The following TAF3 variants were observed in gnomAD, a reference collection of about 807,000 sequenced individuals.
TAF3 encodes the protein TATA-box binding protein associated factor 3, also known as transcription initiation factor TFIID subunit 3.
TAF3 carries 7 observed loss-of-function variants against 80.6 expected under a neutral mutation model. That is an observed-to-expected ratio of 0.09 (90% CI 0.05 to 0.16). The LOEUF is 0.16. TAF3 is among the 10% of genes least tolerant of loss of function. TAF3 has a pLI of 1.00. For synonymous variants in TAF3, 444 were observed against 446.1 expected (o/e 1.00, Z 0.06); for missense variants, 921 against 1,140.2 (o/e 0.81, Z 2.77).
At chr10:8,014,447 C>T (rs1414002187) in intron 6 of TAF3, among the ~76,000 whole-genome samples, 190 bp from the exon 7 acceptor site, 3 of 152,096 alleles carry the variant, frequency 2.0e-5, no homozygotes, top group Non-Finnish European at 2.9e-5. Flanking sequence ...CTGCAGGGGG[C>T]CTGTAAAGGG....
At chr10:7,819,698 G>T (rs74652496) in intron 1 of TAF3, among the ~76,000 whole-genome samples, 1,746 of 152,312 alleles carry the variant, frequency 0.011, 29 homozygotes, top group African/African-American at 0.039. Flanking sequence ...CATTGTATGT[G>T]TGTTTGTTGA....
chr10:7,908,450 T>C (rs1671830908), intron 2 of TAF3, among the ~76,000 whole-genome samples: 1 of 152,238 alleles, frequency 6.6e-6, no homozygotes, highest in Non-Finnish European at 1.5e-5. Flanking sequence ...TGCTATTTCA[T>C]GTGAGCGGCT....
intron 3 of TAF3, among the ~76,000 whole-genome samples, chr10:7,968,918 G>T (rs1463169877): frequency 3.3e-5 from 5 of 152,200 alleles, no homozygotes; most frequent in Admixed American, 6.5e-5. Context: ...AGTTGTGCAA[G>T]CTTTTAGTTC....
chr10:7,983,691 G>A (rs1831749399), intron 4 of TAF3, among the ~76,000 whole-genome samples: 1 of 151,990 alleles, frequency 6.6e-6, no homozygotes, highest in African/African-American at 2.4e-5. Flanking sequence ...TAAACATCAT[G>A]AGCTGGACGT....
chr10:7,952,133 C>G (rs1042466982), intron 2 of TAF3, among the ~76,000 whole-genome samples: 2 of 152,130 alleles, frequency 1.3e-5, no homozygotes, highest in Admixed American at 6.5e-5. Context: ...ATTTGATTTG[C>G]ACAAAGGGCC....
chr10:7,905,423 T>C (rs76446174), intron 2 of TAF3, among the ~76,000 whole-genome samples: 487 of 152,340 alleles, frequency 3.2e-3, no homozygotes, highest in Non-Finnish European at 4.9e-3. Context: ...TCATACACGA[T>C]GAAAATGTAA....
intron 3 of TAF3, among the ~76,000 whole-genome samples, chr10:7,971,296 G>A (rs1170926370): frequency 6.6e-6 from 1 of 152,128 alleles, no homozygotes; most frequent in Non-Finnish European, 1.5e-5. Flanking sequence ...AATACAAGAT[G>A]GTTACAGCCA....
chr10:7,866,862 C>T (rs113581865), intron 2 of TAF3, among the ~76,000 whole-genome samples: 2,100 of 152,116 alleles, frequency 0.014, 22 homozygotes, highest in Middle Eastern at 0.031. Context: ...TTTTATGGTG[C>T]GCTCTAAAAA....
chr10:7,856,970 G>A (rs973829208), intron 2 of TAF3, among the ~76,000 whole-genome samples: 1 of 151,336 alleles, frequency 6.6e-6, no homozygotes, highest in Non-Finnish European at 1.5e-5. Flanking sequence ...CAATATCCTT[G>A]TAGTAAATTC....
At chr10:7,994,977 G>GAAAAAAAAAAA (rs71287400) in intron 4 of TAF3, among the ~76,000 whole-genome samples, 6 of 97,634 alleles carry the variant, frequency 6.1e-5, no homozygotes, top group Admixed American at 1.3e-4. Context: ...CTCAAAAAAA[G>GAAAAAAAAAAA]AAAAAAAAAA....
chr10:7,885,724 C>T (rs1837403471), intron 2 of TAF3, among the ~76,000 whole-genome samples: 1 of 152,198 alleles, frequency 6.6e-6, no homozygotes, highest in Non-Finnish European at 1.5e-5. Flanking sequence ...AACCTTTCTT[C>T]CTTACAGGGA....
chr10:7,977,076 C>T (rs74542993), intron 3 of TAF3, among the ~76,000 whole-genome samples, 165 bp from the exon 4 acceptor site: 1,932 of 152,278 alleles, frequency 0.013, 29 homozygotes, highest in Non-Finnish European at 0.017. Flanking sequence ...GCCAGGTAGC[C>T]TTCAGTTGTA....
intron 4 of TAF3, among the ~76,000 whole-genome samples, chr10:8,005,428 C>T (rs1215389203): frequency 6.6e-6 from 1 of 152,214 alleles, no homozygotes. Flanking sequence ...TTTAAAGTAT[C>T]CTAGAACACC....
intron 2 of TAF3, among the ~76,000 whole-genome samples, chr10:7,917,356 C>T (rs757083814): frequency 1.6e-4 from 24 of 152,098 alleles, no homozygotes; most frequent in Non-Finnish European, 2.6e-4. Flanking sequence ...ATTTCAGGCA[C>T]GAGGAACAGC....
chr10:8,005,651 G>A (rs909466986), intron 4 of TAF3, among the ~76,000 whole-genome samples: 3 of 152,166 alleles, frequency 2.0e-5, no homozygotes, highest in African/African-American at 7.2e-5. Context: ...TTACCTCTCA[G>A]GGTTCCTGCT....
At chr10:7,959,689 T>C (rs1390547010) in intron 2 of TAF3, among the ~76,000 whole-genome samples, 2 of 152,234 alleles carry the variant, frequency 1.3e-5, no homozygotes, top group African/African-American at 4.8e-5. Flanking sequence ...AAAGTAGTTG[T>C]ATGAAACCAT....
intron 4 of TAF3, among the ~76,000 whole-genome samples, chr10:7,995,170 C>T (rs1831876374): frequency 6.6e-6 from 1 of 151,898 alleles, no homozygotes; most frequent in Non-Finnish European, 1.5e-5. Flanking sequence ...ATACATTTCA[C>T]TATGGATATG....
At chr10:7,890,432 T>A (rs900121071) in intron 2 of TAF3, among the ~76,000 whole-genome samples, 1 of 152,216 alleles carries the variant, frequency 6.6e-6, no homozygotes, top group Non-Finnish European at 1.5e-5. Context: ...AAGCCTCTTA[T>A]CCTATTAGAG....
chr10:7,892,971 C>T (rs745708279), intron 2 of TAF3, among the ~76,000 whole-genome samples: 6 of 151,954 alleles, frequency 3.9e-5, no homozygotes, highest in Non-Finnish European at 8.8e-5. Flanking sequence ...AGGCATGCAC[C>T]ACCACACCCC....
Sources: gnomAD v4.1 joint callset for allele counts (sites outside exome capture counted in the v4.1 genomes callset) on GRCh38, gnomAD v4.1.1 for gene constraint, MANE v1.5 for transcripts, NCBI Gene and HGNC (gene_info 2026-07-23, HGNC 2026-07-21) for gene names.